The following CCDC181 variants were observed in gnomAD, a reference collection of about 807,000 sequenced individuals.
CCDC181 encodes the protein coiled-coil domain-containing protein 181.
CCDC181 carries 35 observed loss-of-function variants against 58.7 expected under a neutral mutation model. The observed-to-expected ratio is 0.60, with a 90% CI of 0.46 to 0.79. The LOEUF is 0.79. CCDC181 is among the 30% of genes least tolerant of loss of function. CCDC181 has a pLI of 0.00. For synonymous variants in CCDC181, 183 were observed against 197.5 expected (o/e 0.93, Z 0.62); for missense variants, 517 against 583.9 (o/e 0.89, Z 1.18).
intron 2 of CCDC181, among the ~76,000 whole-genome samples, chr1:169,451,868 G>A (rs1385223641): frequency 1.3e-5 from 2 of 151,996 alleles, no homozygotes; most frequent in African/African-American, 4.8e-5. Context: ...TGAAAGAACG[G>A]CAGTTTACTG....
intron 2 of CCDC181, among the ~76,000 whole-genome samples, chr1:169,437,911 C>A (rs977703240): frequency 6.6e-6 from 1 of 152,100 alleles, no homozygotes; most frequent in Non-Finnish European, 1.5e-5. Context: ...TGACGTGAAC[C>A]CCAAAATTCC....
chr1:169,406,088 CACA>C (rs1655640129), intron 4 of CCDC181, among the ~76,000 whole-genome samples: 4 of 152,126 alleles, frequency 2.6e-5, no homozygotes, highest in Admixed American at 2.6e-4. Context: ...AAATCAAAAC[CACA>C]ACAAGATACC....
chr1:169,441,766 G>T (rs548976032), intron 2 of CCDC181, among the ~76,000 whole-genome samples: 6 of 151,386 alleles, frequency 4.0e-5, no homozygotes, highest in African/African-American at 1.5e-4. Flanking sequence ...TTCAACTATA[G>T]GCATTGAAAA....
In CCDC181 at chr1:169,397,312, G is replaced by A; in HGVS notation, c.1295C>T (p.Thr432Ile). Residue 432 changes from threonine (T) to isoleucine (I), a missense_variant, in exon 5 of 6, where the codon ACA (threonine) becomes ATA (isoleucine). Transcript: ENST00000367806. ...KHEEQMKERQ[T>I]EELRKQEECL... ...TTCCTCTTGCTTTCTTAGTTCTTCT[G>A]TCTGTCTTTCTTTCATCTGCTCTTC... is the stretch of plus-strand genomic sequence containing the variant. The A allele has an allele frequency of 1.4e-5, 22 of 1,611,450 alleles. No homozygotes were observed. The highest frequency in any genetic ancestry group is 1.8e-5 in the Non-Finnish European group (21 of 1,178,884).
intron 2 of CCDC181, among the ~76,000 whole-genome samples, chr1:169,447,903 T>C (rs1657420732): frequency 6.6e-6 from 1 of 152,228 alleles, no homozygotes; most frequent in Non-Finnish European, 1.5e-5. Flanking sequence ...AGTGGGCTTT[T>C]TGTAACATTG....
At chr1:169,414,263 T>A (rs1360612993) in intron 4 of CCDC181, among the ~76,000 whole-genome samples, 1 of 152,146 alleles carries the variant, frequency 6.6e-6, no homozygotes, top group Non-Finnish European at 1.5e-5. Context: ...GAAAAGGTCA[T>A]TATCAGGAAG....
In CCDC181 at chr1:169,435,936, CATA is replaced by C. The variant is rs1241178756; in HGVS notation, c.-23-10989_-23-10987del. On this transcript the variant is annotated intron_variant, in intron 2 of 6. Transcript: ENST00000545005. ...AAGGTGAAATGGATAGTGTAAAAAT[CATA>C]ATAACATCCCCACTTAAATGGAAGT... is the stretch of plus-strand genomic sequence containing the variant. 5.3e-5 allele frequency among the ~76,000 whole-genome samples: 8 copies of C among 152,246 alleles called. No individual in the cohort carries two copies. The South Asian group carries it at 8.3e-4, about 16-fold the overall frequency.
chr1:169,410,607 T>C (rs12758228), intron 4 of CCDC181, among the ~76,000 whole-genome samples: 40,962 of 152,072 alleles, frequency 0.27, 6,799 homozygotes, highest in Non-Finnish European at 0.38. Flanking sequence ...CAGCATCACA[T>C]TGCACTTATT....
chr1:169,454,070 G>T (rs1657620724), intron 2 of CCDC181, among the ~76,000 whole-genome samples: 3 of 151,936 alleles, frequency 2.0e-5, no homozygotes, highest in Non-Finnish European at 2.9e-5. Flanking sequence ...TTTAAACCAA[G>T]AACTGACTTT....
At chr1:169,447,825 C>G (rs1657417118) in intron 2 of CCDC181, among the ~76,000 whole-genome samples, 1 of 152,038 alleles carries the variant, frequency 6.6e-6, no homozygotes. Context: ...CTTCATCTTT[C>G]TTTTGTTAAG....
intron 2 of CCDC181, among the ~76,000 whole-genome samples, chr1:169,423,034 GATATA>G (rs972587604): frequency 3.4e-5 from 5 of 145,198 alleles, no homozygotes; most frequent in East Asian, 2.0e-4. Context: ...AAATATAATA[GATATA>G]ATATATAAAT....
chr1:169,453,440 A>G (rs1657601549), intron 2 of CCDC181, among the ~76,000 whole-genome samples: 1 of 152,010 alleles, frequency 6.6e-6, no homozygotes, highest in African/African-American at 2.4e-5. Flanking sequence ...TTTTCATACA[A>G]CCCTTTCCTA....
intron 4 of CCDC181, among the ~76,000 whole-genome samples, chr1:169,402,241 G>A (rs192570593): frequency 2.6e-5 from 4 of 152,256 alleles, no homozygotes; most frequent in Admixed American, 2.6e-4. Flanking sequence ...TTCTGGATAT[G>A]ATCCAGGAGA....
chr1:169,407,208 C>T (rs756225624), intron 4 of CCDC181, among the ~76,000 whole-genome samples: 2 of 151,902 alleles, frequency 1.3e-5, no homozygotes, highest in Non-Finnish European at 2.9e-5. Flanking sequence ...TTCTAAAAAC[C>T]AAAGCCAGGA....
rs1204971520 is a variant in CCDC181, at chr1:169,423,269, C to T, written c.118-956G>A. On this transcript the variant is annotated intron_variant, in intron 2 of 5. Transcript: ENST00000367806. ...AAATAAACCTGGCCCATTTAAATGA[C>T]TGCCAAATAACTATGATTTAACTAA... is the stretch of plus-strand genomic sequence containing the variant. Among the ~76,000 whole-genome samples, 3 of 151,922 alleles carry T rather than the reference C, an allele frequency of 2.0e-5. No individual in the cohort carries two copies. The East Asian group carries it at 5.8e-4, about 29-fold the overall frequency.
chr1:169,404,907 A>AC (rs1655566048), intron 4 of CCDC181, among the ~76,000 whole-genome samples: 1 of 152,122 alleles, frequency 6.6e-6, no homozygotes, highest in Non-Finnish European at 1.5e-5. Context: ...ATATTTAGAA[A>AC]CCCCATCGTC....
At chr1:169,441,127 A>G (rs1367510179) in intron 2 of CCDC181, among the ~76,000 whole-genome samples, 1 of 152,074 alleles carries the variant, frequency 6.6e-6, no homozygotes, top group African/African-American at 2.4e-5. Flanking sequence ...AGTTCTTTAA[A>G]AGCAGCAATG....
rs113005897 is a variant in CCDC181, at chr1:169,421,549, T to C, written c.882A>G (p.Pro294=). 28 of 1,614,044 alleles carry C rather than the reference T, an allele frequency of 1.7e-5. No homozygotes were observed. In the African/African-American group the frequency reaches 1.7e-4, roughly 10 times the overall value. The part of the protein sequence containing the change: ...TGEPLAYIAQ[P]PLNRKTCPSS... Reference sequence around the variant, plus strand: ...TTGGACAAGTCTTGCGGTTGAGTGGTGGCTGAGCGATATAAGCCAGCGGCT... The same window carrying C: ...TTGGACAAGTCTTGCGGTTGAGTGGCGGCTGAGCGATATAAGCCAGCGGCT... Residue 294 remains proline (P), a synonymous_variant, in exon 3 of 6, where the codon CCA becomes CCG. Coordinates refer to ENST00000367806, the MANE Select transcript of CCDC181 (RefSeq NM_001300969.2).
In CCDC181 at chr1:169,397,310, CT is replaced by C. The variant is rs1174345643; in HGVS notation, c.1296del (p.Glu433LysfsTer3). ...CATTCCTCTTGCTTTCTTAGTTCTT[CT>C]GTCTGTCTTTCTTTCATCTGCTCTT... ...KHEEQMKERQ[T>X]EELRKQEECL... is the part of the protein sequence containing the mutation. On this transcript the variant is annotated frameshift_variant, in exon 5 of 6. Transcript: ENST00000367806. LOFTEE classifies it high-confidence loss of function. 6.2e-7 allele frequency: 1 copy of C among 1,611,724 alleles called. No homozygotes were observed. The highest frequency in any genetic ancestry group is 1.1e-5 in the South Asian group (1 of 90,814).
Sources: gnomAD v4.1 joint callset for allele counts (sites outside exome capture counted in the v4.1 genomes callset) on GRCh38, gnomAD v4.1.1 for gene constraint, MANE v1.5 for transcripts, NCBI Gene and HGNC (gene_info 2026-07-23, HGNC 2026-07-21) for gene names.